The following ROCK1 variants were observed in gnomAD, a reference collection of about 807,000 sequenced individuals.
The protein encoded by ROCK1 is Rho associated coiled-coil containing protein kinase 1.
Under a neutral mutation model 196.8 loss-of-function variants are expected in ROCK1, and 36 were observed. That is an observed-to-expected ratio of 0.18 (90% CI 0.14 to 0.24). The LOEUF is 0.24. ROCK1 is among the 10% of genes least tolerant of loss of function. The probability of loss-of-function intolerance (pLI) is 1.00; values close to 1 mark genes in which losing one functional copy is unlikely to be tolerated. For missense variants in ROCK1, 920 were observed against 1,562.0 expected, an observed-to-expected ratio of 0.59 and a Z score of 6.93; for synonymous variants, 443 against 515.9, an observed-to-expected ratio of 0.86 and a Z score of 1.91.
At chr18:21,054,008 AAGCAAGGAG>A (rs368471928) in intron 2 of ROCK1, among the ~76,000 whole-genome samples, 55 of 152,350 alleles carry the variant, frequency 3.6e-4, no homozygotes, top group African/African-American at 1.3e-3. Context: ...CAGCAGTGTG[AAGCAAGGAG>A]AGCATCACAT....
intron 3 of ROCK1, 98 bp from the exon 4 acceptor site, chr18:21,049,327 A>G (rs2036185641): frequency 1.1e-6 from 1 of 918,108 alleles, no homozygotes; most frequent in South Asian, 2.8e-5. Context: ...TACTTGCTAA[A>G]TAATTTAGCC....
chr18:20,962,563 T>C (rs958505581), intron 27 of ROCK1, among the ~76,000 whole-genome samples: 14 of 152,192 alleles, frequency 9.2e-5, no homozygotes, highest in Admixed American at 7.2e-4. Flanking sequence ...AGTTTTAATA[T>C]ATCTTCAATA....
At chr18:21,097,999 T>C (rs1285961877) in intron 1 of ROCK1, among the ~76,000 whole-genome samples, 2 of 152,194 alleles carry the variant, frequency 1.3e-5, no homozygotes, top group East Asian at 3.8e-4. Context: ...ATTTCAGAGA[T>C]GGGATAAATG....
At chr18:21,068,332 C>T (rs539009159) in intron 2 of ROCK1, among the ~76,000 whole-genome samples, 49 of 152,264 alleles carry the variant, frequency 3.2e-4, no homozygotes, top group African/African-American at 1.2e-3. Flanking sequence ...AGGTCTATTT[C>T]TAGATGCTCT....
At chr18:21,036,285 T>C (rs1161693550) in intron 9 of ROCK1, among the ~76,000 whole-genome samples, 2 of 152,180 alleles carry the variant, frequency 1.3e-5, no homozygotes, top group African/African-American at 4.8e-5. Flanking sequence ...TATATATGTG[T>C]GTACACAATG....
chr18:20,971,798 C>T (rs184755259), intron 22 of ROCK1, among the ~76,000 whole-genome samples: 84 of 151,628 alleles, frequency 5.5e-4, no homozygotes, highest in Non-Finnish European at 8.2e-4. Context: ...AAAAAATGAA[C>T]AAGTGCTATA....
intron 2 of ROCK1, among the ~76,000 whole-genome samples, chr18:21,059,416 T>C (rs2036270369): frequency 6.6e-6 from 1 of 152,210 alleles, no homozygotes; most frequent in Non-Finnish European, 1.5e-5. Context: ...ATTGTTTCTA[T>C]AGGTCTGTTT....
chr18:21,109,436 A>G (rs2036730558), intron 1 of ROCK1, among the ~76,000 whole-genome samples: 1 of 152,234 alleles, frequency 6.6e-6, no homozygotes, highest in African/African-American at 2.4e-5. Flanking sequence ...TGAAAACTGG[A>G]TAAATATTAA....
intron 3 of ROCK1, 129 bp from the exon 4 acceptor site, chr18:21,049,358 A>C: frequency 1.4e-6 from 1 of 714,490 alleles, no homozygotes; most frequent in Non-Finnish European, 2.1e-6. Context: ...AGTTATTTTT[A>C]TTTCTTCTCT....
intron 1 of ROCK1, among the ~76,000 whole-genome samples, chr18:21,076,937 C>T (rs2036436985): frequency 1.3e-5 from 2 of 151,610 alleles, no homozygotes; most frequent in African/African-American, 4.8e-5. Flanking sequence ...TCTTGTCCCA[C>T]CCCCTGCCAG....
intron 2 of ROCK1, among the ~76,000 whole-genome samples, chr18:21,053,608 G>A (rs2036222819): frequency 1.3e-5 from 2 of 152,200 alleles, no homozygotes; most frequent in Admixed American, 1.3e-4. Flanking sequence ...CACAGAGGCA[G>A]GAGGATTGCT....
intron 2 of ROCK1, among the ~76,000 whole-genome samples, chr18:21,066,971 A>C (rs189098041): frequency 6.6e-5 from 10 of 152,338 alleles, no homozygotes; most frequent in African/African-American, 1.9e-4. Context: ...GTCATATAGT[A>C]AAGTGCATGT....
At chr18:21,045,187 T>A in intron 5 of ROCK1, 105 bp downstream of exon 5, 1 of 1,046,000 alleles carries the variant, frequency 9.6e-7, no homozygotes, top group Non-Finnish European at 1.3e-6. Flanking sequence ...AGGTCACTTA[T>A]GTCATACGGA....
At chr18:21,034,071 A>G (rs1201107764) in intron 9 of ROCK1, among the ~76,000 whole-genome samples, 1 of 151,266 alleles carries the variant, frequency 6.6e-6, no homozygotes, top group Non-Finnish European at 1.5e-5. Context: ...AGTCAAAAAG[A>G]AATACCTAGG....
At chr18:21,070,041 A>G (rs368677793) in intron 2 of ROCK1, among the ~76,000 whole-genome samples, 18 of 152,154 alleles carry the variant, frequency 1.2e-4, no homozygotes, top group East Asian at 1.2e-3. Flanking sequence ...ACTTACATGT[A>G]TCAATATTTA....
At chr18:21,077,760 G>A (rs899138456) in intron 1 of ROCK1, among the ~76,000 whole-genome samples, 4 of 152,156 alleles carry the variant, frequency 2.6e-5, no homozygotes, top group African/African-American at 9.7e-5. Flanking sequence ...CTGAAACTCA[G>A]AACAAGCCTA....
chr18:21,043,098 C>G (rs184556571), intron 6 of ROCK1, among the ~76,000 whole-genome samples: 138 of 152,212 alleles, frequency 9.1e-4, no homozygotes, highest in Non-Finnish European at 1.7e-3. Flanking sequence ...AACAAGTACA[C>G]AGGCCAGTGC....
intron 18 of ROCK1, among the ~76,000 whole-genome samples, chr18:20,989,900 TTAAGA>T (rs951880273): frequency 1.3e-5 from 2 of 151,950 alleles, no homozygotes; most frequent in African/African-American, 2.4e-5. Context: ...CACAGGAAAC[TTAAGA>T]TAAATAAAAA....
intron 9 of ROCK1, among the ~76,000 whole-genome samples, chr18:21,031,697 T>G (rs1335475784): frequency 6.6e-6 from 1 of 151,606 alleles, no homozygotes; most frequent in Non-Finnish European, 1.5e-5. Context: ...TAAACTCTCT[T>G]AAATGTGTTC....
Sources: allele counts gnomAD v4.1 joint callset (sites outside exome capture counted in the v4.1 genomes callset), GRCh38; gene constraint gnomAD v4.1.1; transcripts MANE v1.5; gene names NCBI Gene and HGNC (gene_info 2026-07-23, HGNC 2026-07-21).